The following CD72 variants were observed in gnomAD, a reference collection of about 807,000 sequenced individuals.
CD72 encodes B-cell differentiation antigen CD72.
In CD72, 28 loss-of-function variants were observed where a neutral mutation model predicts 50.7. The observed-to-expected ratio is 0.55, with a 90% CI of 0.41 to 0.76. The LOEUF is 0.76. CD72 is among the 30% of genes least tolerant of loss of function. CD72 has a pLI of 0.00. For missense variants in CD72, 403 were observed against 420.6 expected (o/e 0.96, Z 0.37); for synonymous variants, 176 against 171.2 (o/e 1.03, Z -0.22).
intron 3 of CD72, 41 bp from the exon 4 acceptor site, chr9:35,616,730 G>T: frequency 2.0e-6 from 3 of 1,512,336 alleles, no homozygotes; most frequent in Non-Finnish European, 2.7e-6. Flanking sequence ...GTCAGCCCCC[G>T]TAAAGAATGT....
upstream of CD72, among the ~76,000 whole-genome samples, chr9:35,622,701 C>T (rs1367894775): frequency 6.6e-6 from 1 of 151,920 alleles, no homozygotes; most frequent in Non-Finnish European, 1.5e-5. Context: ...GCAAAAGAAT[C>T]GCTTAAACCC....
At chr9:35,637,016 C>A (rs957948593) in intron 1 of CD72, among the ~76,000 whole-genome samples, 2 of 152,166 alleles carry the variant, frequency 1.3e-5, no homozygotes, top group Non-Finnish European at 2.9e-5. Context: ...AATACACCCT[C>A]CCCACCCTTG....
rs1823057064 is a variant in CD72, at chr9:35,615,959, G to A, written c.672C>T (p.Phe224=). ...SNMENRLKPF[F]TCGSADTCCP... The stretch of plus-strand genomic sequence containing the variant: ...AGCGGATACCTGCTGAGCCGCATGT[G>A]AAGAAGGGCTTCAGTCTGTTCTCCA... The change falls in exon 5 of 9, where the codon TTC becomes TTT. Residue 224 remains phenylalanine, a synonymous_variant. Coordinates refer to ENST00000259633, the MANE Select transcript of CD72 (RefSeq NM_001782.3). The A allele has an allele frequency of 6.2e-7, 1 of 1,613,252 alleles. No homozygotes were observed. Among genetic ancestry groups the A allele is most frequent in the African/African-American group, 1.3e-5 (1 of 74,770 alleles).
intron 1 of CD72, among the ~76,000 whole-genome samples, chr9:35,636,642 C>A (rs1823292400): frequency 6.6e-6 from 1 of 152,216 alleles, no homozygotes; most frequent in Non-Finnish European, 1.5e-5. Context: ...CCCTCTTCAC[C>A]TATAAGTAAT....
intron 1 of CD72, among the ~76,000 whole-genome samples, chr9:35,629,697 C>A (rs1823225781): frequency 6.6e-6 from 1 of 152,190 alleles, no homozygotes; most frequent in African/African-American, 2.4e-5. Context: ...TAGACTGGAA[C>A]CCAAGTCAGT....
intron 1 of CD72, among the ~76,000 whole-genome samples, chr9:35,627,593 C>T (rs909832172): frequency 6.6e-6 from 1 of 152,098 alleles, no homozygotes; most frequent in African/African-American, 2.4e-5. Flanking sequence ...TATTGGGCAA[C>T]TTTAACCACC....
chr9:35,610,978 A>G (rs376443659), intron 7 of CD72, among the ~76,000 whole-genome samples: 38 of 152,354 alleles, frequency 2.5e-4, no homozygotes, highest in Admixed American at 8.5e-4. Flanking sequence ...CAGGCTGGGC[A>G]CGGTGGCTCA....
intron 3 of CD72, 71 bp downstream of exon 3, chr9:35,617,105 C>G: frequency 6.5e-7 from 1 of 1,544,262 alleles, no homozygotes; most frequent in Non-Finnish European, 8.7e-7. Flanking sequence ...CCCCGCGGGG[C>G]CCAGCGCCAT....
At position 35,615,840 on chromosome 9, in the gene CD72, C is replaced by T. The variant is rs545017284; in HGVS notation, c.688+103G>A. The T allele has an allele frequency of 4.9e-5, 45 of 913,574 alleles. No individual in the cohort carries two copies. In the African/African-American group the frequency reaches 6.0e-4, roughly 12 times the overall value. The allele number at this position is 913,574 out of a possible 1,614,324, so 56.6% of individuals were successfully genotyped here. On this transcript the variant is annotated intron_variant, in intron 5 of 8. Transcript: ENST00000259633. ...CAGCCACCACTCTGGTTCACTGCCC[C>T]TTTCCTGAACACCTCACAGGCCCCT...
At position 35,611,820 on chromosome 9, in the gene CD72, C is replaced by G; in HGVS notation, c.934G>C (p.Asp312His). The G allele has an allele frequency of 4.4e-6, 7 of 1,599,006 alleles. No homozygotes were observed. Among genetic ancestry groups the G allele is most frequent in the Non-Finnish European group, 6.0e-6 (7 of 1,166,218 alleles). Residue 312 changes from aspartate (D) to histidine (H), a missense_variant, in exon 7 of 9, where the codon GAT (aspartate) becomes CAT (histidine). By Grantham distance (81) the Asp-to-His change is moderately conservative. Coordinates refer to ENST00000259633, the MANE Select transcript of CD72 (RefSeq NM_001782.3). ...CAAACTTACCTAGTGCGTTGTGTATCATCAGTCAACTTCCAATCCTTGTTA... is the reference window on the plus strand; with the variant it reads ...CAAACTTACCTAGTGCGTTGTGTATGATCAGTCAACTTCCAATCCTTGTTA... ...SSNKDWKLTD[D>H]TQRTRTYAQS... is the part of the protein sequence containing the mutation.
Position 35,611,907 on chromosome 9 carries a change from A to T in CD72, c.847T>A (p.Phe283Ile). Residue 283 changes from phenylalanine to isoleucine, a missense_variant, in exon 7 of 9, where the codon TTC becomes ATC. Coordinates refer to ENST00000259633, the MANE Select transcript of CD72 (RefSeq NM_001782.3). ...CCATTTGGCAACAGTGAATTTAAGAAGTAGTAAGAGTGCTGAGGGGAGATT... is the reference window on the plus strand; with the variant it reads ...CCATTTGGCAACAGTGAATTTAAGATGTAGTAAGAGTGCTGAGGGGAGATT... ...EIYPQSHSYY[F>I]LNSLLPNGGS... The T allele has an allele frequency of 3.9e-6, 6 of 1,556,820 alleles. No individual in the cohort carries two copies. The highest frequency in any genetic ancestry group is 5.3e-6 in the Non-Finnish European group (6 of 1,127,762).
chr9:35,641,749 G>T (rs1587910190), intron 1 of CD72, among the ~76,000 whole-genome samples: 1 of 152,168 alleles, frequency 6.6e-6, no homozygotes, highest in East Asian at 1.9e-4. Context: ...TTCAATATCT[G>T]CTTGGCGGTT....
chr9:35,627,478 C>T (rs780383579), intron 1 of CD72, among the ~76,000 whole-genome samples: 16 of 151,930 alleles, frequency 1.1e-4, no homozygotes, highest in African/African-American at 2.4e-4. Context: ...ATCCTGTGAT[C>T]GTTGCAGTGA....
upstream of CD72, among the ~76,000 whole-genome samples, chr9:35,622,035 A>G (rs1823150389): frequency 1.3e-5 from 2 of 152,240 alleles, no homozygotes; most frequent in Non-Finnish European, 1.5e-5. Context: ...TGGAGGAAGC[A>G]TGATGTAATA....
chr9:35,627,082 C>T (rs1002453993), intron 1 of CD72, among the ~76,000 whole-genome samples: 14 of 151,196 alleles, frequency 9.3e-5, no homozygotes, highest in African/African-American at 3.4e-4. Context: ...TCGTGATCTG[C>T]CCACCTCGGC....
chr9:35,619,905 G>A (rs2275421), upstream of CD72, among the ~76,000 whole-genome samples: 4 of 152,224 alleles, frequency 2.6e-5, no homozygotes, highest in East Asian at 7.7e-4. Flanking sequence ...GTTTCCTAAG[G>A]TGCCTCTGCA....
At chr9:35,617,602 C>T (rs970507931) in intron 2 of CD72, among the ~76,000 whole-genome samples, 1 of 152,098 alleles carries the variant, frequency 6.6e-6, no homozygotes, top group African/African-American at 2.4e-5. Context: ...CCCATTAGAA[C>T]TCATCCCCCA....
upstream of CD72, among the ~76,000 whole-genome samples, chr9:35,620,940 C>T (rs549648990): frequency 6.6e-6 from 1 of 152,312 alleles, no homozygotes; most frequent in Non-Finnish European, 1.5e-5. Flanking sequence ...GTGATGGTTA[C>T]ATATCTTTTC....
Position 35,618,307 on chromosome 9 carries a change from C to A in CD72, c.-4G>T. 6.2e-7 allele frequency: 1 copy of A among 1,614,178 alleles called. No individual in the cohort carries two copies. On this transcript the variant is annotated 5_prime_UTR_variant, in exon 1 of 9. Coordinates refer to ENST00000259633, the MANE Select transcript of CD72 (RefSeq NM_001782.3). ...CATAGGTGATGGCCTCAGCCATGGT[C>A]CTGAGCAGCTCTGCCCCCACTCGTC...
Sources: gnomAD v4.1 joint callset for allele counts (sites outside exome capture counted in the v4.1 genomes callset) on GRCh38, gnomAD v4.1.1 for gene constraint, MANE v1.5 for transcripts, NCBI Gene and HGNC (gene_info 2026-07-23, HGNC 2026-07-21) for gene names.